PRTG: variants seen among roughly 807,000 people sequenced by gnomAD.
PRTG encodes the protein immunoglobulin superfamily, DCC subclass, member 5.
A neutral mutation model predicts 122.5 loss-of-function variants in PRTG; 67 were observed. The ratio of observed to expected loss-of-function variants is 0.55; its 90% CI spans 0.45 to 0.67. The LOEUF is 0.67. Among genes scored for constraint, PRTG ranks in the 30% least tolerant of loss-of-function variants. PRTG has a pLI of 0.00. For synonymous variants in PRTG, 554 were observed against 501.1 expected (o/e 1.11, Z -1.41); for missense variants, 1,435 against 1,415.4 (o/e 1.01, Z -0.22).
chr15:55,641,038 C>T (rs2059287165), intron 12 of PRTG, 75 bp downstream of exon 12: 2 of 991,116 alleles, frequency 2.0e-6, no homozygotes, highest in East Asian at 2.4e-5. Flanking sequence ...AGTAGTGAGA[C>T]TGTAACTTAA....
intron 18 of PRTG, among the ~76,000 whole-genome samples, chr15:55,623,955 C>G (rs1026886915): frequency 6.6e-6 from 1 of 152,040 alleles, no homozygotes. Context: ...CAAACTAAGT[C>G]AAATGGATTA....
In PRTG at chr15:55,662,882, A is replaced by C. The variant is rs540070687; in HGVS notation, c.2041+9563T>G. Among the ~76,000 whole-genome samples the C allele has an allele frequency of 2.0e-5, 3 of 152,340 alleles. No individual in the cohort carries two copies. The South Asian group carries it at 6.2e-4, about 32-fold the overall frequency. ...AGAGAGACGCTGGTCCACAGACTTA[A>C]CTTCCAACTGCACAACAATAATTCG... On this transcript the variant is annotated intron_variant, in intron 11 of 19. Coordinates refer to ENST00000389286, the MANE Select transcript of PRTG (RefSeq NM_173814.6).
At position 55,629,123 on chromosome 15, in the gene PRTG, T is replaced by C. The variant is rs978929327; in HGVS notation, c.2624-119A>G. 6 of 554,312 alleles carry C rather than the reference T, an allele frequency of 1.1e-5. No homozygotes were observed. The South Asian group carries it at 2.1e-4, about 19-fold the overall frequency. 34.3% of individuals were successfully genotyped at this position (554,312 alleles called of 1,614,324 possible). A position where few individuals can be genotyped will look rare whatever the true frequency, so the allele number is the denominator to read the frequency against. On this transcript the variant is annotated intron_variant, in intron 15 of 19. Coordinates refer to ENST00000389286, the MANE Select transcript of PRTG (RefSeq NM_173814.6). ...TTTCTGATTATAAAGATGACACATA[T>C]TGTAGAACATTTAGAAAATAAAAAT... is the stretch of plus-strand genomic sequence containing the variant.
intron 2 of PRTG, among the ~76,000 whole-genome samples, chr15:55,732,421 C>A (rs2031265194): frequency 6.6e-6 from 1 of 150,450 alleles, no homozygotes; most frequent in African/African-American, 2.5e-5. Context: ...CTGACCTCAA[C>A]TGATCTACCT....
Position 55,622,216 on chromosome 15 carries a change from G to GTTT in PRTG, c.3094-1452_3094-1450dup, listed in dbSNP as rs35973280. Among the ~76,000 whole-genome samples, 511 of 113,416 alleles carry GTTT rather than the reference G, an allele frequency of 4.5e-3. 21 individuals carry two copies. Among genetic ancestry groups the GTTT allele is most frequent in the South Asian group, 0.04 (133 of 3,312 alleles). The allele number at this position is 113,416 out of a possible 152,430, so 74.4% of individuals were successfully genotyped here. On this transcript the variant is annotated intron_variant, in intron 18 of 19. Transcript: ENST00000389286. Reference sequence around the variant, plus strand: ...CAATCACAGTTACATATTAGTACTTGTTTTTTTTTTTTTTTTTTTGAGACA... The same window carrying GTTT: ...CAATCACAGTTACATATTAGTACTTGTTTTTTTTTTTTTTTTTTTTTTGAGACA...
At chr15:55,658,899 A>C (rs1275497470) in intron 11 of PRTG, among the ~76,000 whole-genome samples, 1 of 152,216 alleles carries the variant, frequency 6.6e-6, no homozygotes, top group Non-Finnish European at 1.5e-5. Context: ...AATTTGAAAT[A>C]ATGACCCCAG....
rs529362743 is a variant in PRTG, at chr15:55,646,772, A to G, written c.2042-5564T>C. Among the ~76,000 whole-genome samples the G allele has an allele frequency of 4.6e-5, 7 of 152,362 alleles. No homozygotes were observed. The East Asian group carries it at 1.3e-3, about 29-fold the overall frequency. ...TTAATCTAACACAAATTTGATTCAT[A>G]ACAGTACAGCTCTGAACTGTCAGCT... is the stretch of plus-strand genomic sequence containing the variant. On this transcript the variant is annotated intron_variant, in intron 11 of 19. Transcript: ENST00000389286.
Position 55,734,408 on chromosome 15 carries a change from C to G in PRTG, c.397+5974G>C, listed in dbSNP as rs183544456. Among the ~76,000 whole-genome samples, 63 of 152,174 alleles carry G rather than the reference C, an allele frequency of 4.1e-4. 1 individual carries two copies. The East Asian group carries it at 8.9e-3, about 21-fold the overall frequency. On this transcript the variant is annotated intron_variant, in intron 2 of 19. Coordinates refer to ENST00000389286, the MANE Select transcript of PRTG (RefSeq NM_173814.6). ...AAAAAAAGCTGTCACACTGTTCTAGCTAAACTCCTAGGGATTTAATATTGC... is the reference window on the plus strand; with the variant it reads ...AAAAAAAGCTGTCACACTGTTCTAGGTAAACTCCTAGGGATTTAATATTGC...
intron 15 of PRTG, among the ~76,000 whole-genome samples, chr15:55,629,590 C>G (rs1425105379): frequency 6.6e-6 from 1 of 151,908 alleles, no homozygotes; most frequent in Non-Finnish European, 1.5e-5. Flanking sequence ...TGCTACATGG[C>G]CCAGACTGGA....
intron 16 of PRTG, among the ~76,000 whole-genome samples, chr15:55,628,564 T>C (rs2059208364): frequency 6.6e-6 from 1 of 152,116 alleles, no homozygotes; most frequent in Admixed American, 6.5e-5. Flanking sequence ...TCCTCTGTCT[T>C]GGTGGATGCA....
chr15:55,701,728 A>G (rs926816305), intron 2 of PRTG, among the ~76,000 whole-genome samples: 2 of 152,236 alleles, frequency 1.3e-5, no homozygotes, highest in Admixed American at 1.3e-4. Context: ...AAATTCATAC[A>G]GTGAAGTACT....
intron 11 of PRTG, among the ~76,000 whole-genome samples, chr15:55,666,413 A>G (rs1437856389): frequency 6.6e-6 from 1 of 152,216 alleles, no homozygotes; most frequent in Non-Finnish European, 1.5e-5. Context: ...GAAGACACAA[A>G]CATTGGGTCC....
At chr15:55,731,890 A>G (rs2141884730) in intron 2 of PRTG, among the ~76,000 whole-genome samples, 1 of 152,324 alleles carries the variant, frequency 6.6e-6, no homozygotes, top group Middle Eastern at 3.4e-3. Flanking sequence ...TGAGAAACAC[A>G]TCGTTAGGTG....
intron 8 of PRTG, among the ~76,000 whole-genome samples, chr15:55,676,666 T>C (rs1008763835): frequency 5.3e-5 from 8 of 152,166 alleles, no homozygotes; most frequent in African/African-American, 1.9e-4. Context: ...ACAAGGTCCT[T>C]GAGTTCGAAT....
intron 1 of PRTG, chr15:55,742,517 G>C: frequency 3.4e-6 from 1 of 291,266 alleles, no homozygotes. Context: ...GCCGGAGCCG[G>C]GACAATGGCG....
At chr15:55,702,380 CTTTTATCT>C (rs1394214009) in intron 2 of PRTG, among the ~76,000 whole-genome samples, 2 of 152,036 alleles carry the variant, frequency 1.3e-5, no homozygotes, top group Non-Finnish European at 2.9e-5. Context: ...AGAATAGAGT[CTTTTATCT>C]TTTTATTTCT....
intron 2 of PRTG, among the ~76,000 whole-genome samples, chr15:55,690,109 AT>A (rs2059592609): frequency 2.6e-5 from 4 of 152,214 alleles, no homozygotes; most frequent in Admixed American, 2.0e-4. Flanking sequence ...ACATATTAAT[AT>A]TGATCCCATT....
chr15:55,738,002 C>CTCTCTCTCTCTA lies in PRTG; in HGVS notation c.397+2379_397+2380insTAGAGAGAGAGA, dbSNP rs1248440584. Among the ~76,000 whole-genome samples, 213 of 96,630 alleles carry CTCTCTCTCTCTA rather than the reference C, an allele frequency of 2.2e-3. 1 individual carries two copies. The highest frequency in any genetic ancestry group is 4.9e-3 in the East Asian group (15 of 3,092). The allele number at this position is 96,630 out of a possible 152,430, so 63.4% of individuals were successfully genotyped here. On this transcript the variant is annotated intron_variant, in intron 2 of 19. Transcript: ENST00000389286. ...TCTCTCTCTCTCTCTCTCTCTCTCT[C>CTCTCTCTCTCTA]TATATATATATATATATATATATAC...
chr15:55,645,741 A>G (rs2059318648), intron 11 of PRTG, among the ~76,000 whole-genome samples: 2 of 152,150 alleles, frequency 1.3e-5, no homozygotes. Context: ...AAAATGCCAC[A>G]GGGAACCAGT....
Sources: gnomAD v4.1 joint callset for allele counts (sites outside exome capture counted in the v4.1 genomes callset) on GRCh38, gnomAD v4.1.1 for gene constraint, MANE v1.5 for transcripts, NCBI Gene and HGNC (gene_info 2026-07-23, HGNC 2026-07-21) for gene names.